The following RGS6 variants were observed in gnomAD, a reference collection of about 807,000 sequenced individuals.
RGS6 encodes regulator of G protein signaling 6, also known as regulator of G-protein signaling 6.
A neutral mutation model predicts 78.5 loss-of-function variants in RGS6; 30 were observed. That is an observed-to-expected ratio of 0.38 (90% CI 0.29 to 0.52). The LOEUF is 0.52. Ranked by LOEUF, RGS6 falls within the 20% of genes least tolerant of loss-of-function variation. The pLI, the probability that RGS6 is intolerant of heterozygous loss-of-function variation, is 0.85. For missense variants in RGS6, 495 were observed against 609.7 expected (o/e 0.81, Z 1.98); for synonymous variants, 206 against 206.0 (o/e 1.00, Z 0.00).
At chr14:72,364,569 TG>T (rs1271576908) in intron 3 of RGS6, among the ~76,000 whole-genome samples, 2 of 152,222 alleles carry the variant, frequency 1.3e-5, no homozygotes, top group African/African-American at 2.4e-5. Context: ...CAGCAACAGC[TG>T]GGGGAATAAC....
intron 3 of RGS6, among the ~76,000 whole-genome samples, chr14:72,364,520 A>G (rs527681516): frequency 6.6e-6 from 1 of 152,324 alleles, no homozygotes; most frequent in East Asian, 1.9e-4. Flanking sequence ...AAACCAGCAG[A>G]TACCAGCAGA....
chr14:72,210,794 G>GT (rs949141992), intron 2 of RGS6, among the ~76,000 whole-genome samples: 8 of 151,120 alleles, frequency 5.3e-5, no homozygotes, highest in East Asian at 1.9e-4. Flanking sequence ...TCTTTCCCCT[G>GT]TTTTTTTCTA....
At chr14:72,613,674 T>C in the RGS6 span, among the ~76,000 whole-genome samples, 2 of 152,146 alleles carry the variant, frequency 1.3e-5, no homozygotes. Context: ...ACCCACTCAC[T>C]TCCAAATCTT....
intron 2 of RGS6, among the ~76,000 whole-genome samples, chr14:72,122,740 G>GTT (rs34605194): frequency 8.8e-4 from 117 of 132,306 alleles, no homozygotes; most frequent in East Asian, 3.9e-3. Flanking sequence ...CTAAGTTATC[G>GTT]TTTTTTTTTT....
At position 72,563,976 on chromosome 14, in the gene RGS6, C is replaced by T. The variant is rs544322655; in HGVS notation, c.*1509C>T. 2.6e-5 allele frequency: 4 copies of T among 152,208 alleles called. No individual in the cohort carries two copies. The East Asian group carries it at 7.7e-4, about 29-fold the overall frequency. 9.4% of individuals were successfully genotyped at this position (152,208 alleles called of 1,614,324 possible). A position where few individuals can be genotyped will look rare whatever the true frequency, so the allele number is the denominator to read the frequency against. On this transcript the variant is annotated 3_prime_UTR_variant, in exon 18 of 18. Transcript: ENST00000553525. ...AAGCGATCGCTGGTATTTCTTTTCT[C>T]ATGCAGCCAAATTCGCCAGCTGGTG...
chr14:72,334,690 A>G (rs536085602), intron 2 of RGS6, among the ~76,000 whole-genome samples: 1 of 152,280 alleles, frequency 6.6e-6, no homozygotes, highest in African/African-American at 2.4e-5. Flanking sequence ...GGTGTCCCTG[A>G]AACTAGCAAG....
At chr14:72,336,409 T>C (rs2076036513) in intron 2 of RGS6, among the ~76,000 whole-genome samples, 1 of 152,136 alleles carries the variant, frequency 6.6e-6, no homozygotes, top group Non-Finnish European at 1.5e-5. Context: ...AAGTACTATA[T>C]GTTGTGTGGC....
chr14:72,600,134 A>G, the RGS6 span, among the ~76,000 whole-genome samples: 3 of 151,400 alleles, frequency 2.0e-5, no homozygotes, highest in African/African-American at 7.3e-5. Context: ...ACATACACAC[A>G]CAGAGAGAGT....
chr14:72,425,904 G>A (rs897576729), intron 3 of RGS6, among the ~76,000 whole-genome samples: 8 of 152,158 alleles, frequency 5.3e-5, no homozygotes, highest in African/African-American at 1.2e-4. Flanking sequence ...GAAGTGATAC[G>A]CTATCGTACT....
chr14:72,275,319 G>A (rs1251362613), intron 2 of RGS6, among the ~76,000 whole-genome samples: 1 of 152,142 alleles, frequency 6.6e-6, no homozygotes, highest in Non-Finnish European at 1.5e-5. Flanking sequence ...ACAAATTCAG[G>A]CCACATGCTA....
intron 2 of RGS6, among the ~76,000 whole-genome samples, chr14:72,315,200 A>G (rs1396357394): frequency 6.6e-6 from 1 of 152,260 alleles, no homozygotes; most frequent in Non-Finnish European, 1.5e-5. Flanking sequence ...TCTCCACTGC[A>G]ATTACCACAT....
intron 2 of RGS6, among the ~76,000 whole-genome samples, chr14:72,036,814 GT>G (rs1381662670): frequency 1.1e-4 from 16 of 151,906 alleles, no homozygotes; most frequent in African/African-American, 3.4e-4. Context: ...TAAAAACAAG[GT>G]TTTAATTATG....
chr14:71,992,214 G>A (rs1351996606), intron 2 of RGS6, among the ~76,000 whole-genome samples: 1 of 152,080 alleles, frequency 6.6e-6, no homozygotes, highest in East Asian at 1.9e-4. Context: ...TGTAGTTTTA[G>A]TATAGACAGA....
intron 3 of RGS6, among the ~76,000 whole-genome samples, chr14:72,422,119 G>A (rs2094214502): frequency 6.6e-6 from 1 of 152,184 alleles, no homozygotes; most frequent in Non-Finnish European, 1.5e-5. Flanking sequence ...TTTGCCTGCT[G>A]CCATCTATGT....
chr14:72,419,455 G>A (rs916626135), intron 3 of RGS6, among the ~76,000 whole-genome samples: 5 of 152,280 alleles, frequency 3.3e-5, no homozygotes, highest in East Asian at 1.9e-4. Context: ...CAAGACTGCC[G>A]GCCTGAATTG....
chr14:72,081,235 A>T lies in RGS6; in HGVS notation c.84+116360A>T, dbSNP rs150939071. Among the ~76,000 whole-genome samples the T allele has an allele frequency of 1.6e-3, 237 of 152,160 alleles. 1 individual carries two copies. The highest frequency in any genetic ancestry group is 3.4e-3 in the Middle Eastern group (1 of 294). On this transcript the variant is annotated intron_variant, in intron 2 of 17. Coordinates refer to ENST00000553525, the MANE Select transcript of RGS6 (RefSeq NM_001204424.2). ...TGTACAGATTTTTCAATTCCTGGTT[A>T]AATTTACCCCTAAGTACTTTATTTA...
At chr14:72,441,624 G>A (rs1040979430) in intron 3 of RGS6, among the ~76,000 whole-genome samples, 1 of 152,238 alleles carries the variant, frequency 6.6e-6, no homozygotes, top group Admixed American at 6.5e-5. Context: ...TGTCACTGCT[G>A]CTGCCATTCC....
chr14:72,398,385 A>T (rs2091823585), intron 3 of RGS6, among the ~76,000 whole-genome samples: 1 of 152,096 alleles, frequency 6.6e-6, no homozygotes, highest in African/African-American at 2.4e-5. Flanking sequence ...TTTCTGTGGG[A>T]TCAGTGGTGA....
chr14:72,475,579 A>G (rs1052277677), intron 10 of RGS6, among the ~76,000 whole-genome samples: 1 of 152,092 alleles, frequency 6.6e-6, no homozygotes, highest in Non-Finnish European at 1.5e-5. Flanking sequence ...AAAATACACA[A>G]TTAGCTGGGC....
Sources: gnomAD v4.1 joint callset for allele counts (sites outside exome capture counted in the v4.1 genomes callset) on GRCh38, gnomAD v4.1.1 for gene constraint, MANE v1.5 for transcripts, NCBI Gene and HGNC (gene_info 2026-07-23, HGNC 2026-07-21) for gene names.